DAB1: variants seen among roughly 807,000 people sequenced by gnomAD.
The protein encoded by DAB1 is disabled homolog 1.
In DAB1, 15 loss-of-function variants were observed where a neutral mutation model predicts 64.6. The ratio of observed to expected loss-of-function variants is 0.23; its 90% CI spans 0.16 to 0.36. The LOEUF is 0.36. Among genes scored for constraint, DAB1 ranks in the 10% least tolerant of loss-of-function variants. DAB1 has a pLI of 1.00. For synonymous variants in DAB1, 235 were observed against 251.9 expected (o/e 0.93, Z 0.64); for missense variants, 596 against 706.7 (o/e 0.84, Z 1.78).
intron 4 of DAB1, among the ~76,000 whole-genome samples, chr1:58,186,216 C>A (rs891072941): frequency 1.3e-5 from 2 of 152,102 alleles, no homozygotes; most frequent in Non-Finnish European, 2.9e-5. Context: ...CAGCAGAAAT[C>A]AAACAGCAAG....
intron 1 of DAB1, among the ~76,000 whole-genome samples, chr1:57,409,884 C>T (rs868730921): frequency 6.6e-6 from 1 of 152,182 alleles, no homozygotes; most frequent in African/African-American, 2.4e-5. Context: ...CAAATACTTG[C>T]ATAACTATGC....
intron 5 of DAB1, among the ~76,000 whole-genome samples, chr1:58,015,932 G>T (rs996635444): frequency 1.3e-5 from 2 of 151,954 alleles, no homozygotes; most frequent in Non-Finnish European, 2.9e-5. Context: ...TCTGCATCAG[G>T]GTATGTCATT....
chr1:57,114,433 C>A (rs901219953), intron 4 of DAB1, among the ~76,000 whole-genome samples: 2 of 152,058 alleles, frequency 1.3e-5, no homozygotes, highest in Non-Finnish European at 1.5e-5. Flanking sequence ...AAAGCTTCTG[C>A]TCTTTCTTAA....
chr1:58,070,621 G>A (rs992087624), intron 5 of DAB1, among the ~76,000 whole-genome samples: 1 of 152,164 alleles, frequency 6.6e-6, no homozygotes, highest in Non-Finnish European at 1.5e-5. Context: ...GTAAAGACTG[G>A]AGGCAAAGGA....
chr1:57,350,701 TG>T (rs1678518396), intron 1 of DAB1, among the ~76,000 whole-genome samples: 1 of 152,028 alleles, frequency 6.6e-6, no homozygotes, highest in Non-Finnish European at 1.5e-5. Flanking sequence ...AATTTCCAGT[TG>T]GATTCACACA....
chr1:57,799,661 T>G (rs2101870686), intron 6 of DAB1, among the ~76,000 whole-genome samples: 1 of 151,940 alleles, frequency 6.6e-6, no homozygotes, highest in African/African-American at 2.4e-5. Context: ...AAACTGCAGC[T>G]CACAGACCAA....
chr1:57,461,737 C>G (rs1472202206), intron 7 of DAB1, among the ~76,000 whole-genome samples: 1 of 152,092 alleles, frequency 6.6e-6, no homozygotes, highest in African/African-American at 2.4e-5. Flanking sequence ...CCTGTGCATA[C>G]CTCTATCATT....
At chr1:57,171,556 C>T (rs1178994240) in intron 2 of DAB1, among the ~76,000 whole-genome samples, 17 of 152,154 alleles carry the variant, frequency 1.1e-4, no homozygotes, top group Admixed American at 8.5e-4. Context: ...ATCTGCTGTT[C>T]CTTTTTGGGT....
intron 7 of DAB1, among the ~76,000 whole-genome samples, chr1:57,556,295 G>T (rs1368759784): frequency 6.6e-6 from 1 of 152,134 alleles, no homozygotes; most frequent in Non-Finnish European, 1.5e-5. Context: ...TAGATACACA[G>T]GAATGGGATT....
At chr1:57,920,052 A>G (rs1644786011) in intron 5 of DAB1, among the ~76,000 whole-genome samples, 1 of 152,176 alleles carries the variant, frequency 6.6e-6, no homozygotes, top group South Asian at 2.1e-4. Context: ...TACCTTTATG[A>G]CATTCCAATG....
intron 5 of DAB1, among the ~76,000 whole-genome samples, chr1:57,945,461 G>A (rs1645171897): frequency 8.6e-6 from 1 of 116,022 alleles, no homozygotes; most frequent in African/African-American, 2.8e-5. Context: ...TATTATTTTG[G>A]CAGAGATGGG....
chr1:57,564,377 G>A (rs769886464), intron 7 of DAB1, among the ~76,000 whole-genome samples: 16 of 152,214 alleles, frequency 1.1e-4, no homozygotes, highest in South Asian at 4.1e-4. Context: ...AAATCAGAGC[G>A]CCTCTCCCCC....
rs573897977 is a variant in DAB1 at position 58,390,372 on chromosome 1, T to A, written n.258-46969A>T. On this transcript the variant is annotated intron_variant and non_coding_transcript_variant, in intron 3 of 20. Coordinates refer to the DAB1 transcript ENST00000485760. ...GCCCTGCATTGGTTTCACTTGAGTT[T>A]AATTACAGAGGCTCTAGAAGGGAGG... is the stretch of plus-strand genomic sequence containing the variant. Among the ~76,000 whole-genome samples the A allele has an allele frequency of 5.3e-5, 8 of 152,278 alleles. No individual in the cohort carries two copies. The East Asian group carries it at 1.5e-3, about 29-fold the overall frequency.
chr1:58,379,297 G>A (rs916232301), intron 3 of DAB1, among the ~76,000 whole-genome samples: 5 of 152,200 alleles, frequency 3.3e-5, no homozygotes, highest in East Asian at 1.9e-4. Flanking sequence ...CACTTAGGTT[G>A]TTTAAATCAA....
chr1:58,536,848 ATGATG>A (rs1569974047), intron 1 of DAB1: 2 of 681,196 alleles, frequency 2.9e-6, no homozygotes, highest in East Asian at 2.5e-5. Flanking sequence ...CTGAATTTGT[ATGATG>A]TATTTCGCTG....
chr1:57,268,183 C>T (rs903177475), intron 2 of DAB1, among the ~76,000 whole-genome samples: 6 of 152,138 alleles, frequency 3.9e-5, no homozygotes, highest in African/African-American at 7.2e-5. Context: ...AGGGAACAGG[C>T]GGTGTGCACC....
intron 4 of DAB1, among the ~76,000 whole-genome samples, chr1:58,204,863 C>T (rs1658182646): frequency 6.6e-6 from 1 of 152,092 alleles, no homozygotes; most frequent in African/African-American, 2.4e-5. Flanking sequence ...TGAACATAAG[C>T]CGTCACGATG....
intron 9 of DAB1, among the ~76,000 whole-genome samples, chr1:57,040,296 A>C (rs992068676): frequency 6.6e-6 from 1 of 152,132 alleles, no homozygotes; most frequent in African/African-American, 2.4e-5. Flanking sequence ...GGCAGTCATC[A>C]TAAAAACAGA....
intron 4 of DAB1, among the ~76,000 whole-genome samples, chr1:57,118,444 T>C (rs1656339961): frequency 6.6e-6 from 1 of 152,192 alleles, no homozygotes; most frequent in Admixed American, 6.5e-5. Context: ...AGAAAGATTA[T>C]TCCATCTTCA....
Sources: gnomAD v4.1 joint callset for allele counts (sites outside exome capture counted in the v4.1 genomes callset) on GRCh38, gnomAD v4.1.1 for gene constraint, MANE v1.5 for transcripts, NCBI Gene and HGNC (gene_info 2026-07-23, HGNC 2026-07-21) for gene names.